The following ANK2 variants were observed in gnomAD, a reference collection of about 807,000 sequenced individuals.
ANK2 encodes ankyrin-2.
A neutral mutation model predicts 360.5 loss-of-function variants in ANK2; 83 were observed. That is an observed-to-expected ratio of 0.23 (90% CI 0.19 to 0.28). The LOEUF (loss-of-function observed/expected upper bound fraction) is 0.28, where lower values mean the gene tolerates loss of function less well. Ranked by LOEUF, ANK2 falls within the 10% of genes least tolerant of loss-of-function variation. The probability of loss-of-function intolerance (pLI) is 1.00; values close to 1 mark genes in which losing one functional copy is unlikely to be tolerated. For synonymous variants in ANK2, 1,740 were observed against 1,759.5 expected, an observed-to-expected ratio of 0.99 and a Z score of 0.28; for missense variants, 4,201 against 4,795.7, an observed-to-expected ratio of 0.88 and a Z score of 3.66.
At chr4:113,156,114 A>G (rs762697150) in intron 1 of ANK2, among the ~76,000 whole-genome samples, 1 of 152,218 alleles carries the variant, frequency 6.6e-6, no homozygotes, top group Non-Finnish European at 1.5e-5. Flanking sequence ...TACATACAAG[A>G]GTTTTTATGG....
intron 1 of ANK2, among the ~76,000 whole-genome samples, chr4:112,887,626 A>T (rs2078783870): frequency 6.6e-6 from 1 of 152,168 alleles, no homozygotes; most frequent in Non-Finnish European, 1.5e-5. Flanking sequence ...TCATGTGCAG[A>T]TAGGTATGAG....
At chr4:113,021,982 C>A (rs1320582051) in intron 2 of ANK2, among the ~76,000 whole-genome samples, 1 of 152,154 alleles carries the variant, frequency 6.6e-6, no homozygotes, top group Non-Finnish European at 1.5e-5. Context: ...TTAAAACCTT[C>A]AGAGCCTTTA....
chr4:113,048,430 A>ATTT (rs61689467), upstream of ANK2, among the ~76,000 whole-genome samples: 4 of 129,736 alleles, frequency 3.1e-5, no homozygotes, highest in Non-Finnish European at 4.8e-5. Context: ...CACCTGGCTA[A>ATTT]TTTTTTTTTT....
At chr4:113,078,290 A>G (rs1346716824) in intron 1 of ANK2, among the ~76,000 whole-genome samples, 2 of 152,226 alleles carry the variant, frequency 1.3e-5, no homozygotes, top group African/African-American at 2.4e-5. Context: ...CACCACTTAA[A>G]GTGAACCCAT....
chr4:113,160,263 C>A (rs1450633790), intron 1 of ANK2: 4 of 348,760 alleles, frequency 1.1e-5, no homozygotes, highest in African/African-American at 4.5e-5. Context: ...CAGGGTCTCA[C>A]TATGTTGTCA....
rs1353812954 is a variant in ANK2 at position 113,335,879 on chromosome 4, G to A, written c.3413G>A (p.Arg1138Gln). Reference sequence around the variant, plus strand: ...AGCCCAGAAGACCTAGAAAAGAAACGAATCTGCCGCATCATCACCCGAGAC... The same window carrying A: ...AGCCCAGAAGACCTAGAAAAGAAACAAATCTGCCGCATCATCACCCGAGAC... ...LDSPEDLEKK[R>Q]ICRIITRDFP... The change falls in exon 30 of 46, where the codon CGA becomes CAA. Residue 1138 changes from arginine to glutamine, a missense_variant. By Grantham distance (43) the Arg-to-Gln change is conservative (BLOSUM62 1). This residue lies in a region of ANK2 where 1,268 missense variants were observed against 1,650.8 expected (regional missense o/e 0.77). Transcript: ENST00000357077. The A allele has an allele frequency of 2.5e-6, 4 of 1,614,054 alleles. No individual in the cohort carries two copies. Among genetic ancestry groups the A allele is most frequent in the Admixed American group, 1.7e-5 (1 of 60,006 alleles).
intron 32 of ANK2, among the ~76,000 whole-genome samples, chr4:113,340,684 C>T (rs1039910673): frequency 1.3e-5 from 2 of 150,630 alleles, no homozygotes; most frequent in South Asian, 2.1e-4. Context: ...GCGACAGAGA[C>T]GTTGTCTCAA....
the ANK2 span, among the ~76,000 whole-genome samples, chr4:112,758,165 G>C: frequency 6.6e-6 from 1 of 151,928 alleles, no homozygotes; most frequent in Admixed American, 6.6e-5. Flanking sequence ...GCCTCCGAGT[G>C]CTGGGATTAC....
intron 14 of ANK2, among the ~76,000 whole-genome samples, chr4:113,265,634 T>C (rs1348715817): frequency 6.6e-6 from 1 of 152,198 alleles, no homozygotes; most frequent in South Asian, 2.1e-4. Context: ...TTTCCTTCTT[T>C]TTCTGTTTTT....
chr4:112,758,758 A>G, the ANK2 span, among the ~76,000 whole-genome samples: 55,758 of 151,990 alleles, frequency 0.37, 10,478 homozygotes, highest in East Asian at 0.62. Flanking sequence ...TTTGCCAAAT[A>G]CTGTAGTAAC....
chr4:113,225,200 C>T (rs1246722688), intron 4 of ANK2, among the ~76,000 whole-genome samples: 1 of 152,140 alleles, frequency 6.6e-6, no homozygotes, highest in African/African-American at 2.4e-5. Flanking sequence ...GTGCATGGGC[C>T]ATAATATACC....
chr4:113,378,203 T>G, intron 45 of ANK2: 1 of 1,146,742 alleles, frequency 8.7e-7, no homozygotes, highest in Non-Finnish European at 1.1e-6. Flanking sequence ...CATGGGGTGA[T>G]GCTTTGCCAA....
chr4:112,956,442 C>T (rs556898890), intron 2 of ANK2, among the ~76,000 whole-genome samples: 468 of 152,280 alleles, frequency 3.1e-3, no homozygotes, highest in Non-Finnish European at 5.7e-3. Context: ...AGCATCACTA[C>T]GCTTGTGCTT....
At chr4:113,198,779 G>A (rs907691159) in intron 3 of ANK2, among the ~76,000 whole-genome samples, 3 of 152,002 alleles carry the variant, frequency 2.0e-5, no homozygotes, top group South Asian at 2.1e-4. Flanking sequence ...CAGTCATTCC[G>A]TGTTAACACT....
At chr4:112,979,748 G>A (rs114974929) in intron 2 of ANK2, 1 of 152,390 alleles carries the variant, frequency 6.6e-6, no homozygotes, top group African/African-American at 2.4e-5. Flanking sequence ...CATCCGAAGT[G>A]GGTAGCTCCT....
At chr4:112,742,814 TC>T in the ANK2 span, among the ~76,000 whole-genome samples, 1 of 151,208 alleles carries the variant, frequency 6.6e-6, no homozygotes, top group African/African-American at 2.4e-5. Context: ...AACCTCTGCC[TC>T]CCGGGTTCAA....
At chr4:113,140,503 T>C (rs1028326166) in intron 1 of ANK2, among the ~76,000 whole-genome samples, 3 of 152,232 alleles carry the variant, frequency 2.0e-5, no homozygotes, top group Non-Finnish European at 4.4e-5. Flanking sequence ...TAGTTTAGTT[T>C]AAGAGAAACT....
intron 1 of ANK2, among the ~76,000 whole-genome samples, chr4:112,832,050 A>C (rs2059892472): frequency 6.6e-6 from 1 of 152,186 alleles, no homozygotes; most frequent in African/African-American, 2.4e-5. Flanking sequence ...AGCGAGACCA[A>C]GAACCCACCA....
chr4:113,254,913 G>GT (rs2048476763), intron 10 of ANK2, among the ~76,000 whole-genome samples: 1 of 152,026 alleles, frequency 6.6e-6, no homozygotes, highest in Non-Finnish European at 1.5e-5. Flanking sequence ...TAGGCAAATT[G>GT]TTTTTTAAAA....
Sources: gnomAD v4.1 joint callset for allele counts (sites outside exome capture counted in the v4.1 genomes callset) on GRCh38, gnomAD v4.1.1 for gene constraint, gnomAD v4.1.1 regional missense constraint, MANE v1.5 for transcripts, NCBI Gene and HGNC (gene_info 2026-07-23, HGNC 2026-07-21) for gene names.